MTUS2: variants seen among roughly 807,000 people sequenced by gnomAD.
MTUS2 encodes the protein microtubule associated scaffold protein 2.
In MTUS2, 40 loss-of-function variants were observed where a neutral mutation model predicts 114.1. The observed-to-expected ratio is 0.35, with a 90% CI of 0.27 to 0.46. The LOEUF (loss-of-function observed/expected upper bound fraction) is 0.46, where lower values mean the gene tolerates loss of function less well. MTUS2 is among the 20% of genes least tolerant of loss of function. The pLI is 1.00. For missense variants in MTUS2, 1,679 were observed against 1,705.4 expected, an observed-to-expected ratio of 0.98 and a Z score of 0.27; for synonymous variants, 688 against 672.0, an observed-to-expected ratio of 1.02 and a Z score of -0.37.
intron 2 of MTUS2, among the ~76,000 whole-genome samples, chr13:28,969,661 C>A (rs538883572): frequency 1.3e-5 from 2 of 151,986 alleles, no homozygotes; most frequent in African/African-American, 2.4e-5. Context: ...TGCAGCACCA[C>A]GCCCAGCTAA....
chr13:29,098,330 T>C (rs1302930056), intron 4 of MTUS2, among the ~76,000 whole-genome samples: 2 of 152,220 alleles, frequency 1.3e-5, no homozygotes, highest in Non-Finnish European at 2.9e-5. Context: ...ATGAGCTTAA[T>C]CTGCTAGAAG....
At chr13:28,864,123 C>T (rs1221474655) in intron 2 of MTUS2, among the ~76,000 whole-genome samples, 3 of 152,122 alleles carry the variant, frequency 2.0e-5, no homozygotes, top group African/African-American at 7.2e-5. Context: ...CCTCTTCTAC[C>T]CCTTTGCCTA....
At position 29,152,820 on chromosome 13, in the gene MTUS2, G is replaced by A. The variant is rs947703157; in HGVS notation, c.2644+51850G>A. Among the ~76,000 whole-genome samples, 18 of 152,170 alleles carry A rather than the reference G, an allele frequency of 1.2e-4. 1 individual carries two copies. The highest frequency in any genetic ancestry group is 4.1e-4 in the African/African-American group (17 of 41,502). On this transcript the variant is annotated intron_variant, in intron 5 of 15. Coordinates refer to ENST00000612955, the MANE Select transcript of MTUS2 (RefSeq NM_001033602.4). The stretch of plus-strand genomic sequence containing the variant: ...TATTCTGCCATATTTGTCAGAAACC[G>A]CAATGAGTCCAGCCCACACTCAAGG...
At chr13:29,191,504 G>A (rs1163250331) in intron 5 of MTUS2, among the ~76,000 whole-genome samples, 1 of 152,104 alleles carries the variant, frequency 6.6e-6, no homozygotes, top group Non-Finnish European at 1.5e-5. Flanking sequence ...TGTGTGCCCT[G>A]TGTTCTTGGA....
intron 5 of MTUS2, among the ~76,000 whole-genome samples, chr13:29,240,460 G>A (rs1264909666): frequency 1.3e-5 from 2 of 152,204 alleles, no homozygotes; most frequent in African/African-American, 4.8e-5. Context: ...GAAAGACTCA[G>A]TGTGAAATCG....
chr13:28,934,241 G>A (rs7984294), intron 2 of MTUS2, among the ~76,000 whole-genome samples: 12,745 of 152,222 alleles, frequency 0.084, 599 homozygotes, highest in South Asian at 0.13. Context: ...ATTAGTTAAA[G>A]TTTATTTCAT....
intron 5 of MTUS2, among the ~76,000 whole-genome samples, chr13:29,219,997 CTTT>C (rs779482115): frequency 1.4e-5 from 2 of 143,212 alleles, no homozygotes; most frequent in African/African-American, 2.6e-5. Flanking sequence ...TGGAACAGCA[CTTT>C]TTTTTTTTTT....
chr13:28,874,942 C>T (rs772196564), intron 2 of MTUS2, among the ~76,000 whole-genome samples: 4 of 152,168 alleles, frequency 2.6e-5, no homozygotes, highest in Non-Finnish European at 5.9e-5. Flanking sequence ...ATCTCCTACA[C>T]CAGTCTTTTG....
Position 29,503,306 on chromosome 13 carries a change from G to T in MTUS2, c.*100G>T. On this transcript the variant is annotated 3_prime_UTR_variant, in exon 16 of 16. Coordinates refer to ENST00000612955, the MANE Select transcript of MTUS2 (RefSeq NM_001033602.4). ...CCGCCGGAGCTGGCCCTGTGCGCAT[G>T]CTCAGTAGCTGCGAATGCATCCTAG... 7.4e-7 allele frequency: 1 copy of T among 1,347,556 alleles called. No homozygotes were observed. The highest frequency in any genetic ancestry group is 1.0e-6 in the Non-Finnish European group (1 of 969,478). The allele number at this position is 1,347,556 out of a possible 1,614,324, so 83.5% of individuals were successfully genotyped here.
chr13:29,142,177 A>G (rs1892252256), intron 5 of MTUS2, among the ~76,000 whole-genome samples: 1 of 152,048 alleles, frequency 6.6e-6, no homozygotes, highest in African/African-American at 2.4e-5. Flanking sequence ...TTATATGTGT[A>G]TATATATTTT....
At chr13:29,195,807 C>G (rs1284155641) in intron 5 of MTUS2, among the ~76,000 whole-genome samples, 2 of 151,952 alleles carry the variant, frequency 1.3e-5, no homozygotes, top group East Asian at 1.9e-4. Flanking sequence ...GTGATGTGTG[C>G]AAGAGACAAA....
At position 29,081,885 on chromosome 13, in the gene MTUS2, C is replaced by G. The variant is rs886641334; in HGVS notation, c.2447-18888C>G. ...AGAGTGTCAGACTACTGGCAATGAC[C>G]CAAGAATATAAAAATATGCAGATGG... On this transcript the variant is annotated intron_variant, in intron 4 of 15. Coordinates refer to ENST00000612955, the MANE Select transcript of MTUS2 (RefSeq NM_001033602.4). Among the ~76,000 whole-genome samples, 3 of 151,900 alleles carry G rather than the reference C, an allele frequency of 2.0e-5. No individual in the cohort carries two copies. The South Asian group carries it at 6.2e-4, about 32-fold the overall frequency.
At chr13:28,978,383 C>G (rs566570205) in intron 2 of MTUS2, among the ~76,000 whole-genome samples, 19 of 152,240 alleles carry the variant, frequency 1.2e-4, no homozygotes, top group Non-Finnish European at 2.5e-4. Context: ...GAGAAGCAGT[C>G]AGGAATGCAA....
At chr13:29,157,431 G>A (rs1892908052) in intron 5 of MTUS2, among the ~76,000 whole-genome samples, 1 of 152,112 alleles carries the variant, frequency 6.6e-6, no homozygotes, top group Admixed American at 6.5e-5. Context: ...ATATTCATGG[G>A]TCTATGAATA....
chr13:29,370,055 AAGAT>A (rs1871075122), intron 8 of MTUS2, among the ~76,000 whole-genome samples: 1 of 152,214 alleles, frequency 6.6e-6, no homozygotes, highest in South Asian at 2.1e-4. Flanking sequence ...CCCCAGTTAA[AAGAT>A]AGAGATCTGG....
intron 2 of MTUS2, among the ~76,000 whole-genome samples, chr13:28,904,326 C>G (rs1188253156): frequency 6.6e-6 from 1 of 152,116 alleles, no homozygotes; most frequent in East Asian, 1.9e-4. Flanking sequence ...GAAGTCCTTG[C>G]CCATGCCTAT....
chr13:29,220,940 A>G (rs1010042760), intron 5 of MTUS2, among the ~76,000 whole-genome samples: 1 of 152,220 alleles, frequency 6.6e-6, no homozygotes, highest in Non-Finnish European at 1.5e-5. Flanking sequence ...CTGGTGAAGT[A>G]TATATTACAA....
intron 9 of MTUS2, among the ~76,000 whole-genome samples, chr13:29,454,260 T>C (rs1878950472): frequency 1.3e-5 from 2 of 152,108 alleles, no homozygotes; most frequent in South Asian, 4.1e-4. Flanking sequence ...TTTACAAAGG[T>C]CCTGATGAAG....
chr13:29,390,468 A>T (rs1873347037), intron 8 of MTUS2, among the ~76,000 whole-genome samples: 1 of 151,738 alleles, frequency 6.6e-6, no homozygotes, highest in Admixed American at 6.6e-5. Context: ...AGCCTGGCCA[A>T]CATGGTAAAA....
Sources: gnomAD v4.1 joint callset for allele counts (sites outside exome capture counted in the v4.1 genomes callset) on GRCh38, gnomAD v4.1.1 for gene constraint, MANE v1.5 for transcripts, NCBI Gene and HGNC (gene_info 2026-07-23, HGNC 2026-07-21) for gene names.